Variants in ZBTB7C observed in about 807,000 individuals in gnomAD.
ZBTB7C encodes the protein zinc finger and BTB domain containing 7C, also known as zinc finger and BTB domain-containing protein 7C.
In ZBTB7C, 8 loss-of-function variants were observed where a neutral mutation model predicts 25.7. That is an observed-to-expected ratio of 0.31 (90% confidence interval 0.18 to 0.56). The LOEUF (loss-of-function observed/expected upper bound fraction) is 0.56. ZBTB7C is among the 20% of genes least tolerant of loss of function. ZBTB7C has a pLI of 0.91. For synonymous variants in ZBTB7C, 394 were observed against 369.0 expected (o/e 1.07, Z -0.78); for missense variants, 824 against 855.2 (o/e 0.96, Z 0.46).
intron 2 of ZBTB7C, among the ~76,000 whole-genome samples, chr18:48,266,334 T>C (rs1830238121): frequency 6.6e-6 from 1 of 152,130 alleles, no homozygotes; most frequent in Admixed American, 6.5e-5. Flanking sequence ...TCTTGGTTTC[T>C]GGTCCCTATT....
At chr18:48,245,494 CAAAAAA>C (rs5824738) in intron 2 of ZBTB7C, among the ~76,000 whole-genome samples, 2 of 132,914 alleles carry the variant, frequency 1.5e-5, no homozygotes, top group Admixed American at 1.5e-4. Flanking sequence ...ATCAAGACAC[CAAAAAA>C]AAAAAAAGAA....
chr18:48,402,539 A>G (rs1437510910), intron 1 of ZBTB7C, among the ~76,000 whole-genome samples: 1 of 152,232 alleles, frequency 6.6e-6, no homozygotes, highest in Non-Finnish European at 1.5e-5. Flanking sequence ...TTCCTTACGC[A>G]AAGTACAGAA....
chr18:48,096,068 G>A (rs755711325), intron 3 of ZBTB7C, among the ~76,000 whole-genome samples: 14 of 152,192 alleles, frequency 9.2e-5, no homozygotes, highest in Non-Finnish European at 2.1e-4. Context: ...CCGTTATCGG[G>A]GGCTCAGGTT....
intron 2 of ZBTB7C, among the ~76,000 whole-genome samples, chr18:48,226,317 T>A (rs1247746989): frequency 6.6e-6 from 1 of 152,180 alleles, no homozygotes; most frequent in African/African-American, 2.4e-5. Context: ...CATGCTGGCA[T>A]ACAATGACAA....
At chr18:48,071,384 C>A (rs908737058) in intron 3 of ZBTB7C, among the ~76,000 whole-genome samples, 16 of 152,174 alleles carry the variant, frequency 1.1e-4, no homozygotes, top group Non-Finnish European at 4.4e-5. Context: ...GCCCAGTAAG[C>A]ACATGAACAG....
rs552768584 is a variant in ZBTB7C at position 48,241,055 on chromosome 18, A to G, written c.-78-55060T>C. On this transcript the variant is annotated intron_variant, in intron 2 of 4. Coordinates refer to ENST00000590800, the MANE Select transcript of ZBTB7C (RefSeq NM_001318841.2). ...AAAATGAGCAGGAGTAGCTATTCTCATATCAGACAAGATAGCCTTTAAAGC... is the reference window on the plus strand; with the variant it reads ...AAAATGAGCAGGAGTAGCTATTCTCGTATCAGACAAGATAGCCTTTAAAGC... Among the ~76,000 whole-genome samples the G allele has an allele frequency of 2.5e-4, 38 of 152,282 alleles. No individual in the cohort carries two copies. In the East Asian group the frequency reaches 4.6e-3, roughly 19 times the overall value.
At chr18:48,331,701 T>C (rs1219550534) in intron 2 of ZBTB7C, among the ~76,000 whole-genome samples, 1 of 152,210 alleles carries the variant, frequency 6.6e-6, no homozygotes, top group Non-Finnish European at 1.5e-5. Context: ...TACCGTATTC[T>C]ATACTGAGCA....
At chr18:48,031,767 C>T (rs111304623) in intron 4 of ZBTB7C, among the ~76,000 whole-genome samples, 201 of 152,336 alleles carry the variant, frequency 1.3e-3, no homozygotes, top group African/African-American at 4.6e-3. Context: ...AAAGCCTCCA[C>T]TATGTAGGTG....
In ZBTB7C at chr18:48,118,285, C is replaced by T. The variant is rs993789049; in HGVS notation, c.-17+67649G>A. Among the ~76,000 whole-genome samples the T allele has an allele frequency of 1.4e-4, 21 of 152,136 alleles. 1 individual carries two copies. The highest frequency in any genetic ancestry group is 5.9e-4 in the Admixed American group (9 of 15,264). On this transcript the variant is annotated intron_variant, in intron 3 of 4. Coordinates refer to ENST00000590800, the MANE Select transcript of ZBTB7C (RefSeq NM_001318841.2). ...CCTCCCAAAGTGCTGGGATTACAGG[C>T]GTGAGCCACTGCCGCTAGCCTGATC... is the stretch of plus-strand genomic sequence containing the variant.
chr18:48,028,212 T>A lies in ZBTB7C; in HGVS notation c.*1048A>T, dbSNP rs2035586160. 1 of 152,194 alleles carries A rather than the reference T, an allele frequency of 6.6e-6. No homozygotes were observed. Among genetic ancestry groups the A allele is most frequent in the Non-Finnish European group, 1.5e-5 (1 of 68,072 alleles). 9.4% of individuals were successfully genotyped at this position (152,194 alleles called of 1,614,324 possible). A position where few individuals can be genotyped will look rare whatever the true frequency, so the allele number is the denominator to read the frequency against. On this transcript the variant is annotated 3_prime_UTR_variant, in exon 5 of 5. Coordinates refer to ENST00000590800, the MANE Select transcript of ZBTB7C (RefSeq NM_001318841.2). The stretch of plus-strand genomic sequence containing the variant: ...GGTGTTAAGAGGTGGCCCCCATCTC[T>A]TCGATGTTGGCCCTGAGAGCCCCAA...
At chr18:48,331,595 T>C (rs149040351) in intron 2 of ZBTB7C, among the ~76,000 whole-genome samples, 133 of 152,356 alleles carry the variant, frequency 8.7e-4, no homozygotes, top group African/African-American at 3.1e-3. Context: ...ACAGTGTATA[T>C]TAGCATCACC....
chr18:48,159,209 T>C (rs944358354), intron 3 of ZBTB7C, among the ~76,000 whole-genome samples: 8 of 152,182 alleles, frequency 5.3e-5, no homozygotes, highest in African/African-American at 1.9e-4. Context: ...TCCTAACACA[T>C]AAAATACCTG....
chr18:48,348,306 A>G (rs60581738), intron 1 of ZBTB7C, among the ~76,000 whole-genome samples: 9,612 of 152,252 alleles, frequency 0.063, 349 homozygotes, highest in Non-Finnish European at 0.074. Flanking sequence ...CTAGCTCCCA[A>G]TTTTACAGAT....
intron 2 of ZBTB7C, among the ~76,000 whole-genome samples, chr18:48,191,919 T>C (rs752581653): frequency 1.3e-5 from 2 of 152,230 alleles, no homozygotes; most frequent in African/African-American, 2.4e-5. Flanking sequence ...AGGCTTACCA[T>C]AGACTCCAGC....
intron 2 of ZBTB7C, among the ~76,000 whole-genome samples, chr18:48,260,267 T>G (rs896342307): frequency 6.6e-6 from 1 of 152,218 alleles, no homozygotes; most frequent in Non-Finnish European, 1.5e-5. Flanking sequence ...TGAGCCTATT[T>G]ATATAAAATT....
At chr18:48,333,324 T>G (rs1193899972) in intron 2 of ZBTB7C, among the ~76,000 whole-genome samples, 2 of 152,172 alleles carry the variant, frequency 1.3e-5, no homozygotes, top group Non-Finnish European at 2.9e-5. Flanking sequence ...GAAACAGAAT[T>G]TATACACTGC....
At chr18:48,141,151 C>CCCCCCCT (rs2040336655) in intron 3 of ZBTB7C, among the ~76,000 whole-genome samples, 2 of 145,380 alleles carry the variant, frequency 1.4e-5, no homozygotes, top group Non-Finnish European at 1.5e-5. Context: ...GCACCACCCC[C>CCCCCCCT]CCCACTGTTC....
chr18:48,061,107 G>A (rs1375896846), intron 3 of ZBTB7C, among the ~76,000 whole-genome samples: 9 of 152,228 alleles, frequency 5.9e-5, no homozygotes, highest in African/African-American at 1.9e-4. Context: ...AGGAGGTGAG[G>A]GCTTGGAAAT....
chr18:48,351,440 C>T lies in ZBTB7C; in HGVS notation c.-303-13042G>A, dbSNP rs368928337. 5.3e-4 allele frequency among the ~76,000 whole-genome samples: 80 copies of T among 152,290 alleles called. No homozygotes were observed. In the South Asian group the frequency reaches 8.3e-3, roughly 16 times the overall value. On this transcript the variant is annotated intron_variant, in intron 1 of 4. Coordinates refer to ENST00000590800, the MANE Select transcript of ZBTB7C (RefSeq NM_001318841.2). ...CAACCAGCAAACTTCTCCTCCCTCA[C>T]GGACTTTCTACAGGCTTGCAAGCCA...
Sources: allele counts gnomAD v4.1 joint callset (sites outside exome capture counted in the v4.1 genomes callset), GRCh38; gene constraint gnomAD v4.1.1; transcripts MANE v1.5; gene names NCBI Gene and HGNC (gene_info 2026-07-23, HGNC 2026-07-21).